The following AHI1 variants were observed in gnomAD, a reference collection of about 807,000 sequenced individuals.
AHI1 encodes Abelson helper integration site 1.
In AHI1, 123 loss-of-function variants were observed where a neutral mutation model predicts 149.3. The ratio of observed to expected loss-of-function variants is 0.82; its 90% confidence interval spans 0.71 to 0.96. The LOEUF is 0.96. AHI1 is among the 40% of genes least tolerant of loss of function. AHI1 has a pLI of 0.00. For missense variants in AHI1, 1,439 were observed against 1,422.7 expected, an observed-to-expected ratio of 1.01 and a Z score of -0.18; for synonymous variants, 475 against 459.8, an observed-to-expected ratio of 1.03 and a Z score of -0.42.
chr6:135,429,700 A>G (rs1271672037), intron 18 of AHI1, among the ~76,000 whole-genome samples, 182 bp downstream of exon 18: 1 of 151,460 alleles, frequency 6.6e-6, no homozygotes, highest in Non-Finnish European at 1.5e-5. Context: ...AATATTTTTT[A>G]TCTCGACTCA....
chr6:135,411,653 A>T, intron 20 of AHI1, 109 bp from the exon 21 acceptor site: 1 of 845,884 alleles, frequency 1.2e-6, no homozygotes. Context: ...ACATCTTAAA[A>T]ACTGGGTAAT....
At chr6:135,484,659 A>G (rs940053666) in intron 5 of AHI1, among the ~76,000 whole-genome samples, 1 of 152,216 alleles carries the variant, frequency 6.6e-6, no homozygotes, top group Non-Finnish European at 1.5e-5. Context: ...TAGCTGCTCA[A>G]TAAGTATTAG....
chr6:135,494,007 C>G (rs895484551), intron 3 of AHI1, among the ~76,000 whole-genome samples: 1 of 152,120 alleles, frequency 6.6e-6, no homozygotes, highest in African/African-American at 2.4e-5. Flanking sequence ...TGCACCAGTG[C>G]GCTCCAGGTG....
intron 5 of AHI1, among the ~76,000 whole-genome samples, chr6:135,470,795 G>T (rs889116351): frequency 6.6e-6 from 1 of 151,910 alleles, no homozygotes; most frequent in African/African-American, 2.4e-5. Flanking sequence ...CAGGGAGTTT[G>T]GGGGAGGGAG....
At chr6:135,349,856 C>T (rs757738478) in intron 24 of AHI1, among the ~76,000 whole-genome samples, 40 of 152,214 alleles carry the variant, frequency 2.6e-4, no homozygotes, top group Non-Finnish European at 5.0e-4. Context: ...AAAGTAAGTC[C>T]CTTGGCAAGA....
chr6:135,321,665 G>A (rs752855896), intron 25 of AHI1, among the ~76,000 whole-genome samples: 9 of 152,182 alleles, frequency 5.9e-5, no homozygotes, highest in Middle Eastern at 3.4e-3. Flanking sequence ...TTGTTTAGTC[G>A]TAGTTTTGGG....
At chr6:135,424,183 A>G (rs912403128) in intron 20 of AHI1, among the ~76,000 whole-genome samples, 6 of 152,082 alleles carry the variant, frequency 3.9e-5, no homozygotes, top group African/African-American at 7.2e-5. Context: ...AAATAAGAGC[A>G]TGGACTCCAG....
Position 135,427,309 on chromosome 6 carries a change from T to A in AHI1, c.2624-2A>T. On this transcript the variant is annotated splice_acceptor_variant, in intron 19 of 28. Transcript: ENST00000265602. LOFTEE classifies it high-confidence loss of function. Reference sequence around the variant, plus strand: ...CAGAATACATGGCTACTTGTTCTCCTAAATAAAAAGAGAGATTCAAAAATG... The same window carrying A: ...CAGAATACATGGCTACTTGTTCTCCAAAATAAAAAGAGAGATTCAAAAATG... 6.2e-7 allele frequency: 1 copy of A among 1,606,582 alleles called. No individual in the cohort carries two copies. Among genetic ancestry groups the A allele is most frequent in the Non-Finnish European group, 8.5e-7 (1 of 1,175,528 alleles).
chr6:135,471,030 T>C (rs1306569386), intron 5 of AHI1, among the ~76,000 whole-genome samples: 2 of 152,200 alleles, frequency 1.3e-5, no homozygotes, highest in African/African-American at 4.8e-5. Flanking sequence ...ATGGGGCATA[T>C]GCAAATTTTT....
Position 135,285,472 on chromosome 6 carries a change from T to C in AHI1, c.*173A>G. On this transcript the variant is annotated 3_prime_UTR_variant, in exon 29 of 29. Coordinates refer to ENST00000265602, the MANE Select transcript of AHI1 (RefSeq NM_001134831.2). The stretch of plus-strand genomic sequence containing the variant: ...CTGAACTCAAAGGCCACGTTGATTT[T>C]TCCACCCACAACTTGATTCTGATTT... The C allele has an allele frequency of 1.4e-6, 1 of 708,938 alleles. No homozygotes were observed. The highest frequency in any genetic ancestry group is 2.4e-6 in the Non-Finnish European group (1 of 415,648). 43.9% of individuals were successfully genotyped at this position (708,938 alleles called of 1,614,324 possible).
intron 5 of AHI1, among the ~76,000 whole-genome samples, chr6:135,479,548 C>T (rs1793261169): frequency 6.6e-6 from 1 of 152,232 alleles, no homozygotes; most frequent in African/African-American, 2.4e-5. Context: ...TTTACCCAAA[C>T]CCTGTCCCCA....
chr6:135,319,658 G>C (rs1297888567), intron 25 of AHI1, among the ~76,000 whole-genome samples: 1 of 152,030 alleles, frequency 6.6e-6, no homozygotes, highest in Non-Finnish European at 1.5e-5. Flanking sequence ...AATTTTAAAG[G>C]GTTAAAACAA....
intron 17 of AHI1, 84 bp downstream of exon 17, chr6:135,431,124 C>T (rs945973368): frequency 4.0e-5 from 33 of 835,116 alleles, no homozygotes; most frequent in Non-Finnish European, 5.6e-5. Flanking sequence ...AACAGAATGT[C>T]CTGACATCCT....
rs928472521 is a variant in AHI1 at position 135,477,049 on chromosome 6, CT to C, written c.136-9416del. Among the ~76,000 whole-genome samples the C allele has an allele frequency of 4.3e-5, 6 of 138,618 alleles. No individual in the cohort carries two copies. The South Asian group carries it at 6.9e-4, about 16-fold the overall frequency. 90.9% of individuals were successfully genotyped at this position (138,618 alleles called of 152,430 possible). ...GTCTCTTTGTCCTCTTTTTTTTTTTCTTTTTTTTTGAGACAGAGTCTCGCTC... is the reference window on the plus strand; with the variant it reads ...GTCTCTTTGTCCTCTTTTTTTTTTTCTTTTTTTTGAGACAGAGTCTCGCTC... On this transcript the variant is annotated intron_variant, in intron 5 of 28. Transcript: ENST00000265602.
chr6:135,285,683 C>G, intron 28 of AHI1, 36 bp from the exon 29 acceptor site: 1 of 1,562,790 alleles, frequency 6.4e-7, no homozygotes, highest in Non-Finnish European at 8.8e-7. Context: ...ACTAAATAAA[C>G]TTGAATAATG....
At chr6:135,353,393 A>G (rs1177232047) in intron 24 of AHI1, among the ~76,000 whole-genome samples, 1 of 152,116 alleles carries the variant, frequency 6.6e-6, no homozygotes, top group Non-Finnish European at 1.5e-5. Context: ...CCCAGTTTAC[A>G]TACTATGAAT....
At chr6:135,349,026 C>T (rs1004658027) in intron 24 of AHI1, among the ~76,000 whole-genome samples, 1 of 152,126 alleles carries the variant, frequency 6.6e-6, no homozygotes, top group African/African-American at 2.4e-5. Flanking sequence ...TGTTCAATAA[C>T]AAACAAAATA....
chr6:135,360,575 C>G (rs776565457), intron 23 of AHI1, among the ~76,000 whole-genome samples: 6 of 152,202 alleles, frequency 3.9e-5, no homozygotes, highest in Non-Finnish European at 8.8e-5. Context: ...ATCTTTCTCT[C>G]TCTATGGTCT....
Position 135,490,767 on chromosome 6 carries a change from G to A in AHI1, c.11-20C>T. ...TCTCAGCTACAAAAGATACAGCCAT[G>A]TGATTTTGTAAATGACTCTATCATA... is the stretch of plus-strand genomic sequence containing the variant. On this transcript the variant is annotated intron_variant, in intron 4 of 28. Transcript: ENST00000265602. The A allele has an allele frequency of 6.2e-7, 1 of 1,610,074 alleles. No homozygotes were observed. The highest frequency in any genetic ancestry group is 8.5e-7 in the Non-Finnish European group (1 of 1,178,278).
Sources: gnomAD v4.1 joint callset for allele counts (sites outside exome capture counted in the v4.1 genomes callset) on GRCh38, gnomAD v4.1.1 for gene constraint, MANE v1.5 for transcripts, NCBI Gene and HGNC (gene_info 2026-07-23, HGNC 2026-07-21) for gene names.